Variants in PPM1H observed in about 807,000 individuals in gnomAD.
PPM1H encodes protein phosphatase, Mg2+/Mn2+ dependent 1H.
In PPM1H, 27 loss-of-function variants were observed where a neutral mutation model predicts 54.9. That is an observed-to-expected ratio of 0.49 (90% CI 0.36 to 0.68). The LOEUF (loss-of-function observed/expected upper bound fraction) is 0.68, where lower values mean the gene tolerates loss of function less well. Among genes scored for constraint, PPM1H ranks in the 30% least tolerant of loss-of-function variants. PPM1H has a pLI of 0.00. For missense variants in PPM1H, 596 were observed against 667.8 expected (o/e 0.89, Z 1.19); for synonymous variants, 305 against 270.8 (o/e 1.13, Z -1.24).
intron 9 of PPM1H, among the ~76,000 whole-genome samples, chr12:62,651,090 A>G (rs951585895): frequency 2.0e-5 from 3 of 152,226 alleles, no homozygotes; most frequent in Non-Finnish European, 4.4e-5. Flanking sequence ...AGGCCTGAAC[A>G]CACCTTAACC....
intron 5 of PPM1H, among the ~76,000 whole-genome samples, chr12:62,735,795 G>A (rs537811933): frequency 6.6e-6 from 1 of 152,320 alleles, no homozygotes; most frequent in African/African-American, 2.4e-5. Context: ...GAGTCTTAAA[G>A]AATGAAGAGG....
At chr12:62,886,806 G>C (rs548551198) in intron 1 of PPM1H, among the ~76,000 whole-genome samples, 18 of 152,294 alleles carry the variant, frequency 1.2e-4, no homozygotes, top group Middle Eastern at 3.4e-3. Flanking sequence ...CAGAGAGAAA[G>C]GCATGAGAAA....
At chr12:62,930,144 G>T (rs948806333) in intron 1 of PPM1H, among the ~76,000 whole-genome samples, 2 of 152,176 alleles carry the variant, frequency 1.3e-5, no homozygotes. Flanking sequence ...AATGACCAAG[G>T]AGACAGACAG....
chr12:62,793,267 C>G (rs1263053929), intron 3 of PPM1H, among the ~76,000 whole-genome samples: 1 of 152,086 alleles, frequency 6.6e-6, no homozygotes, highest in African/African-American at 2.4e-5. Context: ...TCCTGAAGAC[C>G]TTGCAGGGCA....
intron 1 of PPM1H, among the ~76,000 whole-genome samples, chr12:62,921,689 G>A (rs1222292892): frequency 6.6e-6 from 1 of 152,216 alleles, no homozygotes; most frequent in African/African-American, 2.4e-5. Flanking sequence ...GGGAGGTTCA[G>A]GTGGGAAGAT....
At chr12:62,923,897 G>T (rs1871884413) in intron 1 of PPM1H, among the ~76,000 whole-genome samples, 1 of 152,022 alleles carries the variant, frequency 6.6e-6, no homozygotes, top group Non-Finnish European at 1.5e-5. Context: ...TAAATACATG[G>T]TTTTATGAGT....
intron 2 of PPM1H, among the ~76,000 whole-genome samples, chr12:62,809,355 C>T (rs930250009): frequency 3.3e-5 from 5 of 152,190 alleles, no homozygotes; most frequent in Admixed American, 2.0e-4. Flanking sequence ...CCGGCCTGTA[C>T]ACTTATTTTA....
intron 2 of PPM1H, among the ~76,000 whole-genome samples, chr12:62,811,288 A>G (rs1592611240): frequency 6.6e-6 from 1 of 152,196 alleles, no homozygotes; most frequent in East Asian, 1.9e-4. Context: ...TAAAAATGAT[A>G]AAATGTATAG....
chr12:62,849,751 T>C (rs1869108553), intron 1 of PPM1H, among the ~76,000 whole-genome samples: 2 of 152,174 alleles, frequency 1.3e-5, no homozygotes, highest in South Asian at 4.1e-4. Context: ...GCACTAAGTC[T>C]GAGATGGAAT....
chr12:62,815,444 A>G (rs1461259796), intron 2 of PPM1H, among the ~76,000 whole-genome samples: 2 of 152,222 alleles, frequency 1.3e-5, no homozygotes, highest in Non-Finnish European at 2.9e-5. Flanking sequence ...TACAAAGTTT[A>G]TAACGGTTTT....
At chr12:62,883,032 T>C (rs1411335162) in intron 1 of PPM1H, among the ~76,000 whole-genome samples, 1 of 152,212 alleles carries the variant, frequency 6.6e-6, no homozygotes, top group Non-Finnish European at 1.5e-5. Flanking sequence ...TGTAGTATAT[T>C]TATTTATTTC....
intron 1 of PPM1H, among the ~76,000 whole-genome samples, chr12:62,839,910 T>G (rs142465462): frequency 0.012 from 1,770 of 144,868 alleles, 33 homozygotes; most frequent in African/African-American, 0.046. Flanking sequence ...TGGTGGCACG[T>G]GCCTATAGTC....
chr12:62,803,655 TATG>T (rs1483656841), intron 2 of PPM1H, among the ~76,000 whole-genome samples: 2 of 152,122 alleles, frequency 1.3e-5, no homozygotes, highest in Non-Finnish European at 2.9e-5. Context: ...ATTATTTAGA[TATG>T]ATACCCAAAG....
intron 9 of PPM1H, among the ~76,000 whole-genome samples, chr12:62,660,929 A>T (rs551156284): frequency 6.6e-6 from 1 of 152,320 alleles, no homozygotes; most frequent in Admixed American, 6.5e-5. Flanking sequence ...ATTTTGCAGA[A>T]TGCTTCCTGG....
At chr12:62,907,170 C>T (rs1565825598) in intron 1 of PPM1H, among the ~76,000 whole-genome samples, 1 of 152,168 alleles carries the variant, frequency 6.6e-6, no homozygotes, top group Admixed American at 6.5e-5. Context: ...CCCTGTTCTT[C>T]CCACCCTCCA....
chr12:62,776,430 C>T (rs1461418652), intron 4 of PPM1H, among the ~76,000 whole-genome samples: 1 of 152,194 alleles, frequency 6.6e-6, no homozygotes, highest in Non-Finnish European at 1.5e-5. Context: ...TGCTCATTAT[C>T]TGTCTTTCCA....
intron 6 of PPM1H, among the ~76,000 whole-genome samples, chr12:62,703,642 A>G (rs535864937): frequency 6.6e-6 from 1 of 152,210 alleles, no homozygotes; most frequent in African/African-American, 2.4e-5. Flanking sequence ...CTGGCTGGAC[A>G]GGAACAGACA....
intron 1 of PPM1H, among the ~76,000 whole-genome samples, chr12:62,885,701 A>T (rs1287773092): frequency 6.6e-6 from 1 of 152,202 alleles, no homozygotes; most frequent in African/African-American, 2.4e-5. Context: ...TTTATGTAAG[A>T]CGTTAACAAC....
At chr12:62,766,458 G>A (rs1007020787) in intron 4 of PPM1H, among the ~76,000 whole-genome samples, 1 of 152,052 alleles carries the variant, frequency 6.6e-6, no homozygotes, top group African/African-American at 2.4e-5. Flanking sequence ...AGGCCCTTGC[G>A]CTTATTAGAA....
Sources: gnomAD v4.1 joint callset for allele counts (sites outside exome capture counted in the v4.1 genomes callset) on GRCh38, gnomAD v4.1.1 for gene constraint, MANE v1.5 for transcripts, NCBI Gene and HGNC (gene_info 2026-07-23, HGNC 2026-07-21) for gene names.